OSMR: variants seen among roughly 807,000 people sequenced by gnomAD.
OSMR encodes oncostatin-M-specific receptor subunit beta.
In OSMR, 81 loss-of-function variants were observed where a neutral mutation model predicts 99.9. The observed-to-expected ratio is 0.81, with a 90% CI of 0.68 to 0.97. The LOEUF is 0.97. Among genes scored for constraint, OSMR ranks in the 50% least tolerant of loss-of-function variants. The pLI is 0.00. For synonymous variants in OSMR, 406 were observed against 410.4 expected (o/e 0.99, Z 0.13); for missense variants, 1,099 against 1,153.4 (o/e 0.95, Z 0.68).
chr5:38,914,410 A>G (rs1745781617), intron 9 of OSMR, among the ~76,000 whole-genome samples: 1 of 152,196 alleles, frequency 6.6e-6, no homozygotes, highest in Admixed American at 6.5e-5. Flanking sequence ...ACACTTATAC[A>G]CTGTTGGAGG....
intron 9 of OSMR, among the ~76,000 whole-genome samples, chr5:38,915,240 C>A (rs1168650501): frequency 2.6e-5 from 4 of 152,168 alleles, no homozygotes; most frequent in Non-Finnish European, 5.9e-5. Flanking sequence ...GTTTTCATAA[C>A]CAACTCTAAT....
intron 7 of OSMR, among the ~76,000 whole-genome samples, chr5:38,900,793 G>A (rs187117484): frequency 6.6e-6 from 1 of 152,188 alleles, no homozygotes; most frequent in African/African-American, 2.4e-5. Context: ...GTTGACCTTT[G>A]TGCATGGTTG....
intron 9 of OSMR, among the ~76,000 whole-genome samples, chr5:38,916,201 G>T (rs1000154714): frequency 6.6e-6 from 1 of 152,138 alleles, no homozygotes; most frequent in Admixed American, 6.5e-5. Flanking sequence ...TGATTAAAAC[G>T]TGTGCCTTTT....
intron 15 of OSMR, among the ~76,000 whole-genome samples, chr5:38,925,598 G>A (rs1427252122): frequency 6.6e-6 from 1 of 152,078 alleles, no homozygotes; most frequent in Non-Finnish European, 1.5e-5. Context: ...TCTGATTAAG[G>A]CCTAAAATCT....
Position 38,921,623 on chromosome 5 carries a change from G to C in OSMR, c.1594G>C (p.Glu532Gln), listed in dbSNP as rs1297147340. 1 of 1,614,168 alleles carries C rather than the reference G, an allele frequency of 6.2e-7. No individual in the cohort carries two copies. The change falls in exon 12 of 18, where the codon GAG (glutamate) becomes CAG (glutamine). Residue 532 changes from glutamate (E) to glutamine (Q), a missense_variant. Coordinates refer to ENST00000274276, the MANE Select transcript of OSMR (RefSeq NM_003999.3). Reference sequence around the variant, plus strand: ...TATTTGTTTATATACAGAAGAGGTTGAGGAAGAAAGAATTGCAGGCACAGA... The same window carrying C: ...TATTTGTTTATATACAGAAGAGGTTCAGGAAGAAAGAATTGCAGGCACAGA... ...ISADPENKEV[E>Q]EERIAGTEGG...
At chr5:38,923,027 C>T (rs1310566150) in intron 12 of OSMR, 123 bp from the exon 13 acceptor site, 6 of 1,140,202 alleles carry the variant, frequency 5.3e-6, no homozygotes, top group South Asian at 2.7e-5. Flanking sequence ...CCGCCTGCCT[C>T]GGCCTCCCAA....
chr5:38,900,687 C>T (rs1744832424), intron 7 of OSMR, among the ~76,000 whole-genome samples: 1 of 152,192 alleles, frequency 6.6e-6, no homozygotes, highest in Non-Finnish European at 1.5e-5. Context: ...TTTTTGACTA[C>T]AAGGATCAAT....
rs548749358 is a variant in OSMR at position 38,862,738 on chromosome 5, C to T, written c.-13-6294C>T. Among the ~76,000 whole-genome samples, 1,017 of 150,724 alleles carry T rather than the reference C, an allele frequency of 6.7e-3. 7 individuals carry two copies. The highest frequency in any genetic ancestry group is 0.024 in the African/African-American group (976 of 40,642). ...AGATGGGATGGCGGCCGGGAAGAGG[C>T]GCTCCTCACTTCCCAGACGGGGTGG... On this transcript the variant is annotated intron_variant, in intron 1 of 17. Transcript: ENST00000274276.
Position 38,921,703 on chromosome 5 carries a change from T to C in OSMR, c.1674T>C (p.Val558=). ...KPQPGDVIGY[V]VDWCDHTQDV... ...AACCTGGAGATGTTATAGGCTATGTTGTGGACTGGTGTGACCATACCCAGG... is the reference window on the plus strand; with the variant it reads ...AACCTGGAGATGTTATAGGCTATGTCGTGGACTGGTGTGACCATACCCAGG... Residue 558 remains valine (V), a synonymous_variant, in exon 12 of 18, where the codon GTT becomes GTC. Coordinates refer to ENST00000274276, the MANE Select transcript of OSMR (RefSeq NM_003999.3). 1 of 1,614,204 alleles carries C rather than the reference T, an allele frequency of 6.2e-7. No homozygotes were observed. Among genetic ancestry groups the C allele is most frequent in the Non-Finnish European group, 8.5e-7 (1 of 1,180,020 alleles).
downstream of OSMR, chr5:38,938,391 A>C (rs1488041275): frequency 4.3e-6 from 1 of 230,706 alleles, no homozygotes; most frequent in African/African-American, 2.2e-5. Context: ...TTACCTATAA[A>C]ATTTTTTTCA....
At chr5:38,883,469 G>A (rs779242102) in intron 4 of OSMR, among the ~76,000 whole-genome samples, 2 of 152,192 alleles carry the variant, frequency 1.3e-5, no homozygotes, top group African/African-American at 4.8e-5. Flanking sequence ...TACTAAGAAC[G>A]ACATGAGATA....
intron 1 of OSMR, chr5:38,942,311 T>C: frequency 6.3e-7 from 1 of 1,586,724 alleles, no homozygotes; most frequent in Non-Finnish European, 8.6e-7. Flanking sequence ...AGGTCAGGAT[T>C]CAGCAGATGT....
intron 6 of OSMR, 94 bp downstream of exon 6, chr5:38,885,578 A>T: frequency 6.7e-7 from 1 of 1,498,570 alleles, no homozygotes; most frequent in Non-Finnish European, 9.3e-7. Flanking sequence ...TGTTGCAGGA[A>T]ATTTGAACAA....
chr5:38,872,128 G>T (rs1320166717), intron 2 of OSMR, among the ~76,000 whole-genome samples: 1 of 152,146 alleles, frequency 6.6e-6, no homozygotes, highest in Admixed American at 6.5e-5. Context: ...AAAATAATGG[G>T]ATTGGATTTA....
chr5:38,944,762 CAATA>C (rs1021021786), intron 2 of OSMR: 1 of 837,738 alleles, frequency 1.2e-6, no homozygotes, highest in African/African-American at 1.7e-5. Flanking sequence ...GATATAGGTG[CAATA>C]ATTAACAGTG....
rs1746918314 is a variant in OSMR at position 38,934,335 on chromosome 5, G to A, written c.*891G>A. 6.6e-6 allele frequency: 1 copy of A among 152,242 alleles called. No homozygotes were observed. Among genetic ancestry groups the A allele is most frequent in the Admixed American group, 6.6e-5 (1 of 15,252 alleles). The allele number at this position is 152,242 out of a possible 1,614,324, so 9.4% of individuals were successfully genotyped here. On this transcript the variant is annotated 3_prime_UTR_variant, in exon 18 of 18. Transcript: ENST00000274276. ...TTTGGACTCTGCAGTAGGTTGTCTG[G>A]GTCAAGATAACTCTCAGTCACATTT... is the stretch of plus-strand genomic sequence containing the variant.
At chr5:38,919,732 T>A (rs1330983685) in intron 11 of OSMR, among the ~76,000 whole-genome samples, 1 of 152,232 alleles carries the variant, frequency 6.6e-6, no homozygotes, top group Non-Finnish European at 1.5e-5. Context: ...GGATCATTCA[T>A]GAACCTTGCA....
At position 38,904,343 on chromosome 5, in the gene OSMR, G is replaced by C. The variant is rs188634744; in HGVS notation, c.1135-10G>C. 5 of 1,613,008 alleles carry C rather than the reference G, an allele frequency of 3.1e-6. No homozygotes were observed. Among genetic ancestry groups the C allele is most frequent in the Admixed American group, 1.7e-5 (1 of 59,900 alleles). The stretch of plus-strand genomic sequence containing the variant: ...TCTTTTTTCTTTTCTTCTCTTTTTT[G>C]ATCAAGCAGTACAATGTTTCCATCA... On this transcript the variant is annotated splice_polypyrimidine_tract_variant and intron_variant, in intron 8 of 17. Transcript: ENST00000274276.
chr5:38,931,484 A>T (rs1374941774), intron 15 of OSMR, among the ~76,000 whole-genome samples: 1 of 152,222 alleles, frequency 6.6e-6, no homozygotes, highest in Non-Finnish European at 1.5e-5. Flanking sequence ...CATTTAAAGC[A>T]CTTACGTTAC....
Sources: gnomAD v4.1 joint callset for allele counts (sites outside exome capture counted in the v4.1 genomes callset) on GRCh38, gnomAD v4.1.1 for gene constraint, MANE v1.5 for transcripts, NCBI Gene and HGNC (gene_info 2026-07-23, HGNC 2026-07-21) for gene names.